The following DOCK7 variants were observed in gnomAD, a reference collection of about 807,000 sequenced individuals.
The protein encoded by DOCK7 is dedicator of cytokinesis 7.
Under a neutral mutation model 271.0 loss-of-function variants are expected in DOCK7, and 138 were observed. The observed-to-expected ratio is 0.51, with a 90% CI of 0.44 to 0.59. The LOEUF is 0.59. Among genes scored for constraint, DOCK7 ranks in the 20% least tolerant of loss-of-function variants. The pLI is 0.00. For synonymous variants in DOCK7, 823 were observed against 876.1 expected (o/e 0.94, Z 1.07); for missense variants, 2,066 against 2,592.4 (o/e 0.80, Z 4.41).
intron 1 of DOCK7, among the ~76,000 whole-genome samples, chr1:62,677,373 G>A (rs1571991726): frequency 6.6e-6 from 1 of 152,234 alleles, no homozygotes; most frequent in Admixed American, 6.5e-5. Context: ...ACTAAACTGG[G>A]AGGATTTGAG....
chr1:62,607,597 G>C (rs1193391629), intron 14 of DOCK7, among the ~76,000 whole-genome samples: 11 of 152,186 alleles, frequency 7.2e-5, no homozygotes, highest in Admixed American at 7.2e-4. Flanking sequence ...GCCTGGACCT[G>C]TGTCTTTCAA....
At chr1:62,553,342 ATATATATATATATTTTTTTTTTT>A (rs1188734089) in intron 21 of DOCK7, among the ~76,000 whole-genome samples, 11 of 33,012 alleles carry the variant, frequency 3.3e-4, no homozygotes, top group South Asian at 2.8e-3. Context: ...ATATATATAT[ATATATATATATATTTTTTTTTTT>A]TTTTTTTTTT....
intron 31 of DOCK7, among the ~76,000 whole-genome samples, chr1:62,519,730 T>C (rs1424573095): frequency 1.3e-5 from 2 of 151,996 alleles, no homozygotes; most frequent in Non-Finnish European, 2.9e-5. Context: ...TTGGGGAAGA[T>C]GTAAGAGAAT....
chr1:62,546,915 T>A (rs990988540), intron 22 of DOCK7, among the ~76,000 whole-genome samples: 2 of 152,142 alleles, frequency 1.3e-5, no homozygotes, highest in Non-Finnish European at 1.5e-5. Context: ...AAGTTCTTCC[T>A]ACCATATTCA....
chr1:62,658,233 CACCTG>C (rs1196140086), intron 2 of DOCK7, among the ~76,000 whole-genome samples: 1 of 151,940 alleles, frequency 6.6e-6, no homozygotes, highest in Non-Finnish European at 1.5e-5. Context: ...GCAGGCAGAT[CACCTG>C]AGGTTAGGAG....
chr1:62,529,361 G>C lies in DOCK7; in HGVS notation c.3697C>G (p.Gln1233Glu). 6.2e-7 allele frequency: 1 copy of C among 1,613,788 alleles called. No homozygotes were observed. The highest frequency in any genetic ancestry group is 2.2e-5 in the East Asian group (1 of 44,838). ...HDSDPRYSDP[Q>E]IKARVAMLYL... is the part of the protein sequence containing the mutation. The stretch of plus-strand genomic sequence containing the variant: ...AACATGGCCACTCGAGCCTTTATCT[G>C]AGGGTCAGAGTACCGCGGGTCTGAG... The change falls in exon 30 of 50, where the codon CAG (glutamine) becomes GAG (glutamate). Residue 1233 changes from glutamine (Q) to glutamate (E), a missense_variant. Physicochemically the swap from Gln to Glu is conservative, Grantham distance 29. Around this residue, in one of 2 missense-constraint regions of DOCK7, gnomAD observed 1,414 missense variants for 1,670.4 expected, o/e 0.85. Transcript: ENST00000635253.
At chr1:62,613,637 T>C (rs1016664561) in intron 14 of DOCK7, among the ~76,000 whole-genome samples, 3 of 152,182 alleles carry the variant, frequency 2.0e-5, no homozygotes, top group Non-Finnish European at 2.9e-5. Context: ...AAATGAGAAG[T>C]GAAAGGTGTA....
intron 48 of DOCK7, 141 bp from the exon 49 acceptor site, chr1:62,457,846 C>T (rs960240827): frequency 6.9e-6 from 5 of 722,966 alleles, no homozygotes; most frequent in Non-Finnish European, 1.1e-5. Context: ...CCTAATCACA[C>T]ACACATACAC....
intron 14 of DOCK7, chr1:62,597,757 C>T (rs756641927): frequency 4.3e-6 from 7 of 1,613,452 alleles, no homozygotes; most frequent in East Asian, 2.2e-5. Flanking sequence ...GTCCATAAGA[C>T]GAAGGGCCAA....
At chr1:62,459,920 A>G (rs1312085382) in intron 48 of DOCK7, among the ~76,000 whole-genome samples, 1 of 151,838 alleles carries the variant, frequency 6.6e-6, no homozygotes, top group Non-Finnish European at 1.5e-5. Context: ...TAACAGTGAA[A>G]CCCCATCTCT....
chr1:62,604,477 T>C, intron 14 of DOCK7: 1 of 928,082 alleles, frequency 1.1e-6, no homozygotes, highest in Non-Finnish European at 1.6e-6. Flanking sequence ...ACAGATTATT[T>C]AAAATTGGGA....
At chr1:62,648,063 A>C (rs1656891701) in intron 6 of DOCK7, 43 bp downstream of exon 6, 5 of 1,562,514 alleles carry the variant, frequency 3.2e-6, no homozygotes, top group African/African-American at 1.4e-5. Context: ...CCAAAAGATC[A>C]ATTTTAATAA....
intron 10 of DOCK7, among the ~76,000 whole-genome samples, chr1:62,631,916 T>C (rs984477580): frequency 9.9e-5 from 15 of 151,856 alleles, no homozygotes; most frequent in African/African-American, 3.4e-4. Context: ...AAGTAAAAAG[T>C]AAAAAGGAAA....
At chr1:62,673,522 C>T (rs1660227785) in intron 1 of DOCK7, among the ~76,000 whole-genome samples, 1 of 152,106 alleles carries the variant, frequency 6.6e-6, no homozygotes, top group African/African-American at 2.4e-5. Flanking sequence ...AATATTAACA[C>T]TGACCTGAAA....
chr1:62,512,753 G>A (rs1208404242), intron 33 of DOCK7, among the ~76,000 whole-genome samples: 2 of 151,744 alleles, frequency 1.3e-5, no homozygotes, highest in South Asian at 2.1e-4. Context: ...AAAATTACTT[G>A]GGCATGGTGG....
At chr1:62,526,037 A>G (rs1055361821) in intron 31 of DOCK7, among the ~76,000 whole-genome samples, 1 of 152,178 alleles carries the variant, frequency 6.6e-6, no homozygotes, top group Admixed American at 6.6e-5. Flanking sequence ...CCCAGGCTCA[A>G]ACAATCCTCC....
intron 48 of DOCK7, among the ~76,000 whole-genome samples, chr1:62,465,675 C>T (rs1381826711): frequency 2.6e-5 from 4 of 152,086 alleles, no homozygotes; most frequent in African/African-American, 7.2e-5. Context: ...CCTCAGTCTC[C>T]GGAGTACCTG....
chr1:62,457,992 A>C, intron 48 of DOCK7: 1 of 265,986 alleles, frequency 3.8e-6, no homozygotes, highest in East Asian at 7.4e-5. Flanking sequence ...CTCTACAAAA[A>C]AATGCAAAAA....
chr1:62,549,609 G>C (rs1206319406), intron 22 of DOCK7, among the ~76,000 whole-genome samples: 1 of 151,558 alleles, frequency 6.6e-6, no homozygotes, highest in Admixed American at 6.6e-5. Flanking sequence ...GGATGAGTGG[G>C]GTATCCATCA....
Sources: allele counts gnomAD v4.1 joint callset (sites outside exome capture counted in the v4.1 genomes callset), GRCh38; gene constraint gnomAD v4.1.1; regional missense constraint gnomAD v4.1.1; transcripts MANE v1.5; gene names NCBI Gene and HGNC (gene_info 2026-07-23, HGNC 2026-07-21).